Variants in VMP1 observed in about 807,000 individuals in gnomAD.
VMP1 encodes the protein vacuole membrane protein 1.
In VMP1, 11 loss-of-function variants were observed where a neutral mutation model predicts 56.0. That is an observed-to-expected ratio of 0.20 (90% CI 0.12 to 0.32). The LOEUF is 0.32. VMP1 is among the 10% of genes least tolerant of loss of function. VMP1 has a pLI of 1.00. For missense variants in VMP1, 296 were observed against 490.3 expected (o/e 0.60, Z 3.74); for synonymous variants, 149 against 165.0 (o/e 0.90, Z 0.74).
chr17:59,777,861 CAAAT>C (rs74996250), intron 7 of VMP1, among the ~76,000 whole-genome samples: 295 of 146,124 alleles, frequency 2.0e-3, no homozygotes, highest in Admixed American at 4.5e-3. Context: ...AACAAAAAAA[CAAAT>C]AAAGTGTACT....
intron 6 of VMP1, among the ~76,000 whole-genome samples, chr17:59,772,149 C>T (rs2036449771): frequency 6.6e-6 from 1 of 151,876 alleles, no homozygotes; most frequent in Non-Finnish European, 1.5e-5. Context: ...CACCACCATG[C>T]CCAGCTAATT....
rs1288413354 is a variant in VMP1 at position 59,765,249 on chromosome 17, C to G, written c.582+111C>G. On this transcript the variant is annotated intron_variant, in intron 6 of 11. Transcript: ENST00000262291. ...ATTCCTTGTCAGTAAATGATTCAGT[C>G]AGTAACCAGCTACCTACTTCCAAGG... 2.4e-6 allele frequency: 3 copies of G among 1,234,786 alleles called. No homozygotes were observed. In the Admixed American group the frequency reaches 8.3e-5, roughly 34 times the overall value. 76.5% of individuals were successfully genotyped at this position (1,234,786 alleles called of 1,614,324 possible).
At chr17:59,732,338 C>T (rs2034857552) in intron 2 of VMP1, among the ~76,000 whole-genome samples, 1 of 152,162 alleles carries the variant, frequency 6.6e-6, no homozygotes, top group Non-Finnish European at 1.5e-5. Flanking sequence ...CTCCGCCTCC[C>T]AGGTTCAAGC....
chr17:59,723,318 G>A (rs1486646439), intron 1 of VMP1, among the ~76,000 whole-genome samples: 1 of 152,130 alleles, frequency 6.6e-6, no homozygotes, highest in Non-Finnish European at 1.5e-5. Flanking sequence ...ACATCATTAG[G>A]GAGAGAATAT....
intron 8 of VMP1, among the ~76,000 whole-genome samples, chr17:59,809,977 A>G (rs927392398): frequency 6.6e-6 from 1 of 152,130 alleles, no homozygotes; most frequent in African/African-American, 2.4e-5. Flanking sequence ...CATTTAACCA[A>G]ATTAAACTAC....
intron 5 of VMP1, among the ~76,000 whole-genome samples, chr17:59,762,149 A>G (rs1314477903): frequency 6.6e-6 from 1 of 152,224 alleles, no homozygotes; most frequent in Non-Finnish European, 1.5e-5. Context: ...TATAGAAATG[A>G]AAGTCTAGTA....
At chr17:59,784,401 G>A (rs1226634389) in intron 7 of VMP1, among the ~76,000 whole-genome samples, 1 of 151,754 alleles carries the variant, frequency 6.6e-6, no homozygotes, top group Non-Finnish European at 1.5e-5. Context: ...ACTATTTTAT[G>A]ATTCCCTTCC....
At chr17:59,784,461 A>G (rs1240053597) in intron 7 of VMP1, among the ~76,000 whole-genome samples, 2 of 151,930 alleles carry the variant, frequency 1.3e-5, no homozygotes, top group Non-Finnish European at 2.9e-5. Context: ...CTGAATTCCT[A>G]TCTCAGCCCA....
intron 7 of VMP1, among the ~76,000 whole-genome samples, chr17:59,800,836 C>T (rs1056625549): frequency 1.3e-5 from 2 of 151,962 alleles, no homozygotes; most frequent in Non-Finnish European, 2.9e-5. Context: ...AGTCCCAGCA[C>T]GTTAGGAGCC....
chr17:59,749,843 C>A (rs1156309758), intron 5 of VMP1, among the ~76,000 whole-genome samples: 1 of 152,092 alleles, frequency 6.6e-6, no homozygotes, highest in South Asian at 2.1e-4. Context: ...CTTCTTAGAA[C>A]TGTGAGTGGC....
At chr17:59,828,223 G>T (rs1185570590) in intron 10 of VMP1, among the ~76,000 whole-genome samples, 2 of 152,144 alleles carry the variant, frequency 1.3e-5, no homozygotes, top group Non-Finnish European at 2.9e-5. Context: ...ATGAGGTTTT[G>T]TTCTCTAGAG....
intron 1 of VMP1, among the ~76,000 whole-genome samples, chr17:59,726,467 T>C (rs529172689): frequency 1.1e-3 from 161 of 152,178 alleles, no homozygotes; most frequent in African/African-American, 3.8e-3. Flanking sequence ...CTAATTTATG[T>C]ATTTTTAGTA....
Position 59,736,496 on chromosome 17 carries a change from C to T in VMP1, c.213-957C>T, listed in dbSNP as rs2035021712. Among the ~76,000 whole-genome samples, 3 of 148,640 alleles carry T rather than the reference C, an allele frequency of 2.0e-5. No homozygotes were observed. The South Asian group carries it at 6.4e-4, about 32-fold the overall frequency. ...TGAACCCAGGAGGTGGAATTTTAGG[C>T]CATTTGGGAGGCTGAGGTGGGTGGA... On this transcript the variant is annotated intron_variant, in intron 3 of 11. Coordinates refer to ENST00000262291, the MANE Select transcript of VMP1 (RefSeq NM_030938.5).
At chr17:59,746,983 ATTC>A (rs763658303) in intron 5 of VMP1, among the ~76,000 whole-genome samples, 11 of 152,192 alleles carry the variant, frequency 7.2e-5, no homozygotes, top group Non-Finnish European at 1.2e-4. Flanking sequence ...GTTAAGAACC[ATTC>A]TTCTACAACT....
At position 59,840,808 on chromosome 17, in the gene VMP1, G is replaced by A. The variant is rs1244647899; in HGVS notation, c.*897G>A. 3 of 152,264 alleles carry A rather than the reference G, an allele frequency of 2.0e-5. No homozygotes were observed. The highest frequency in any genetic ancestry group is 7.3e-5 in the African/African-American group (3 of 41,370). 9.4% of individuals were successfully genotyped at this position (152,264 alleles called of 1,614,324 possible). On this transcript the variant is annotated 3_prime_UTR_variant, in exon 12 of 12. Transcript: ENST00000262291. ...GATTGGCCTACCTGGGGATTTCTTG[G>A]TTTGTGAAAACAGGAGAGGAGAAAT...
Position 59,784,140 on chromosome 17 carries a change from T to TGAGAGA in VMP1, c.714+10256_714+10257insAGAGAG, listed in dbSNP as rs548784981. ...GTGTGTGTGTGTGTGTGTGTGTGTGTGTGAGAGAGAGAGAGAGATTGGAGG... is the reference window on the plus strand; with the variant it reads ...GTGTGTGTGTGTGTGTGTGTGTGTGTGAGAGAGTGAGAGAGAGAGAGAGATTGGAGG... On this transcript the variant is annotated intron_variant, in intron 7 of 11. Coordinates refer to ENST00000262291, the MANE Select transcript of VMP1 (RefSeq NM_030938.5). 1.4e-3 allele frequency among the ~76,000 whole-genome samples: 189 copies of TGAGAGA among 134,154 alleles called. 2 individuals are homozygous for TGAGAGA. Among genetic ancestry groups the TGAGAGA allele is most frequent in the African/African-American group, 5.2e-3 (179 of 34,188 alleles). The allele number at this position is 134,154 out of a possible 152,430, so 88.0% of individuals were successfully genotyped here.
chr17:59,727,797 C>T (rs1338025003), intron 1 of VMP1, among the ~76,000 whole-genome samples: 2 of 152,084 alleles, frequency 1.3e-5, no homozygotes, highest in Non-Finnish European at 2.9e-5. Flanking sequence ...TATCAACAAA[C>T]ATACACATGC....
At chr17:59,739,703 G>A (rs558205408) in intron 5 of VMP1, among the ~76,000 whole-genome samples, 54 of 128,382 alleles carry the variant, frequency 4.2e-4, no homozygotes, top group African/African-American at 1.5e-3. Flanking sequence ...CAGCCTGGGC[G>A]ACAGAGCAAG....
chr17:59,773,182 G>A (rs540023227), intron 6 of VMP1, among the ~76,000 whole-genome samples: 1 of 151,674 alleles, frequency 6.6e-6, no homozygotes, highest in Non-Finnish European at 1.5e-5. Flanking sequence ...GGATGGTCTC[G>A]ATCTCTTGAC....
Sources: gnomAD v4.1 joint callset for allele counts (sites outside exome capture counted in the v4.1 genomes callset) on GRCh38, gnomAD v4.1.1 for gene constraint, MANE v1.5 for transcripts, NCBI Gene and HGNC (gene_info 2026-07-23, HGNC 2026-07-21) for gene names.